NAALADL2: variants seen among roughly 807,000 people sequenced by gnomAD.
The protein encoded by NAALADL2 is N-acetylated alpha-linked acidic dipeptidase like 2.
A neutral mutation model predicts 87.2 loss-of-function variants in NAALADL2; 76 were observed. The observed-to-expected ratio is 0.87, with a 90% CI of 0.72 to 1.05. The LOEUF (loss-of-function observed/expected upper bound fraction) is 1.05. NAALADL2 is among the 50% of genes least tolerant of loss of function. The pLI, the probability that NAALADL2 is intolerant of heterozygous loss-of-function variation, is 0.00. For synonymous variants in NAALADL2, 354 were observed against 331.0 expected (o/e 1.07, Z -0.75); for missense variants, 1,089 against 945.8 (o/e 1.15, Z -1.99).
chr3:175,182,550 GTT>G (rs1161831796), intron 2 of NAALADL2, among the ~76,000 whole-genome samples: 11 of 69,472 alleles, frequency 1.6e-4, no homozygotes, highest in South Asian at 6.1e-4. Flanking sequence ...ACCACAGCCA[GTT>G]TTTTTTTTTT....
chr3:174,707,341 G>A (rs1266862487), intron 2 of NAALADL2, among the ~76,000 whole-genome samples: 2 of 152,106 alleles, frequency 1.3e-5, no homozygotes, highest in African/African-American at 2.4e-5. Flanking sequence ...AAAGACACAT[G>A]CACACGTATG....
chr3:175,136,655 A>C (rs944352106), intron 2 of NAALADL2, among the ~76,000 whole-genome samples: 10 of 152,136 alleles, frequency 6.6e-5, no homozygotes, highest in African/African-American at 2.4e-4. Flanking sequence ...GAAGATGCTA[A>C]ATGGGATTTT....
chr3:175,385,540 A>G (rs1384869330), intron 5 of NAALADL2, among the ~76,000 whole-genome samples: 2 of 152,138 alleles, frequency 1.3e-5, no homozygotes, highest in Non-Finnish European at 2.9e-5. Context: ...ACTTACAAGA[A>G]AGAAGACTTG....
intron 11 of NAALADL2, among the ~76,000 whole-genome samples, chr3:175,668,944 A>G (rs1733570722): frequency 6.6e-6 from 1 of 152,122 alleles, no homozygotes; most frequent in African/African-American, 2.4e-5. Context: ...AAGGCACTGT[A>G]TCATGTGTTT....
At position 174,859,335 on chromosome 3, in the gene NAALADL2, G is replaced by A. The variant is rs999937117; in HGVS notation, c.-73G>A. The A allele has an allele frequency of 1.8e-5, 20 of 1,105,138 alleles. No individual in the cohort carries two copies. The highest frequency in any genetic ancestry group is 2.6e-5 in the Non-Finnish European group (19 of 735,356). The allele number at this position is 1,105,138 out of a possible 1,614,324, so 68.5% of individuals were successfully genotyped here. ...GTTACAATACTACAGTAGAAAGTCA[G>A]AAGGTCACAAAGCTTGCAGGGTAAG... On this transcript the variant is annotated 5_prime_UTR_variant, in exon 1 of 14. Coordinates refer to ENST00000454872, the MANE Select transcript of NAALADL2 (RefSeq NM_207015.3).
chr3:175,503,170 A>G (rs1729795826), intron 9 of NAALADL2, among the ~76,000 whole-genome samples: 1 of 152,106 alleles, frequency 6.6e-6, no homozygotes. Context: ...CTTACAAGTT[A>G]GAACTTGGAA....
rs373416334 is a variant in NAALADL2 at position 175,471,690 on chromosome 3, A to C, written c.1585A>C (p.Ser529Arg). ...TGTTGTGGCTTATATTAGCCTCCACAGTCCCATAAGGGGGAACTCTAGTCT... is the reference window on the plus strand; with the variant it reads ...TGTTGTGGCTTATATTAGCCTCCACCGTCCCATAAGGGGGAACTCTAGTCT... The part of the protein sequence containing the change: ...KNVVAYISLH[S>R]PIRGNSSLYP... Residue 529 changes from serine (S) to arginine (R), a missense_variant, in exon 9 of 14, where the codon AGT becomes CGT. By Grantham distance (110) the Ser-to-Arg change is moderately radical (BLOSUM62 -1). Transcript: ENST00000454872. 1 of 1,588,896 alleles carries C rather than the reference A, an allele frequency of 6.3e-7. No individual in the cohort carries two copies. The highest frequency in any genetic ancestry group is 8.6e-7 in the Non-Finnish European group (1 of 1,159,314).
chr3:175,264,765 A>G (rs961099960), intron 4 of NAALADL2, among the ~76,000 whole-genome samples: 1 of 151,696 alleles, frequency 6.6e-6, no homozygotes, highest in Non-Finnish European at 1.5e-5. Context: ...ATTTTTATGC[A>G]TATACTTTTT....
chr3:175,496,581 A>T (rs1190620787), intron 9 of NAALADL2, among the ~76,000 whole-genome samples: 1 of 151,966 alleles, frequency 6.6e-6, no homozygotes, highest in Non-Finnish European at 1.5e-5. Context: ...TTGATACAGG[A>T]TCTTACTTTG....
intron 9 of NAALADL2, among the ~76,000 whole-genome samples, chr3:175,490,553 GT>G (rs74948956): frequency 0.085 from 11,731 of 138,256 alleles, 518 homozygotes; most frequent in South Asian, 0.12. Context: ...CGCCTGGCTA[GT>G]TTTTTTTTTT....
At chr3:175,297,690 C>T (rs2110194199) in intron 4 of NAALADL2, among the ~76,000 whole-genome samples, 1 of 152,262 alleles carries the variant, frequency 6.6e-6, no homozygotes, top group Non-Finnish European at 1.5e-5. Flanking sequence ...ACTGCCATTA[C>T]AGCCCATACT....
chr3:175,379,084 T>C (rs1286378848), intron 5 of NAALADL2, among the ~76,000 whole-genome samples: 3 of 152,150 alleles, frequency 2.0e-5, no homozygotes, highest in Non-Finnish European at 4.4e-5. Flanking sequence ...TGACTCTTTG[T>C]GATTAAGTGT....
intron 11 of NAALADL2, among the ~76,000 whole-genome samples, chr3:175,699,154 G>A (rs1359553209): frequency 6.6e-6 from 1 of 151,916 alleles, no homozygotes; most frequent in African/African-American, 2.4e-5. Context: ...CAGTGTCCAA[G>A]CTTCAGCTGA....
At chr3:175,095,548 T>C (rs1394742040) in intron 1 of NAALADL2, among the ~76,000 whole-genome samples, 2 of 152,028 alleles carry the variant, frequency 1.3e-5, no homozygotes, top group Non-Finnish European at 2.9e-5. Flanking sequence ...TATTTAGTTA[T>C]ATTTGAATTT....
intron 4 of NAALADL2, among the ~76,000 whole-genome samples, chr3:175,294,660 CA>C (rs538365995): frequency 7.9e-5 from 12 of 151,552 alleles, no homozygotes; most frequent in Non-Finnish European, 4.4e-5. Flanking sequence ...TCTGTAGTTT[CA>C]AAAAAAATAA....
At chr3:175,290,108 C>T (rs1755469900) in intron 4 of NAALADL2, among the ~76,000 whole-genome samples, 1 of 152,134 alleles carries the variant, frequency 6.6e-6, no homozygotes, top group African/African-American at 2.4e-5. Flanking sequence ...AACATTGCTG[C>T]TGAATGTAAA....
intron 10 of NAALADL2, among the ~76,000 whole-genome samples, chr3:175,620,151 A>T (rs2149697268): frequency 6.6e-6 from 1 of 152,162 alleles, no homozygotes; most frequent in South Asian, 2.1e-4. Context: ...GCCCCCAGAA[A>T]TGACATAGGA....
intron 2 of NAALADL2, among the ~76,000 whole-genome samples, chr3:175,195,535 T>A (rs780927670): frequency 2.6e-5 from 4 of 151,866 alleles, no homozygotes; most frequent in Non-Finnish European, 5.9e-5. Flanking sequence ...GAATAACTAT[T>A]TGAAAAGTGT....
chr3:175,100,380 A>G (rs955579594), intron 2 of NAALADL2, among the ~76,000 whole-genome samples: 1 of 152,212 alleles, frequency 6.6e-6, no homozygotes, highest in African/African-American at 2.4e-5. Flanking sequence ...TCTTCTCAAG[A>G]AAGAAGCCTC....
Sources: gnomAD v4.1 joint callset for allele counts (sites outside exome capture counted in the v4.1 genomes callset) on GRCh38, gnomAD v4.1.1 for gene constraint, MANE v1.5 for transcripts, NCBI Gene and HGNC (gene_info 2026-07-23, HGNC 2026-07-21) for gene names.